ENOPH1: variants seen among roughly 807,000 people sequenced by gnomAD.
ENOPH1 encodes the protein enolase-phosphatase E1.
ENOPH1 carries 14 observed loss-of-function variants against 31.1 expected under a neutral mutation model. The ratio of observed to expected loss-of-function variants is 0.45; its 90% CI spans 0.30 to 0.70. The LOEUF is 0.70. Ranked by LOEUF, ENOPH1 falls within the 30% of genes least tolerant of loss-of-function variation. ENOPH1 has a pLI of 0.09. For synonymous variants in ENOPH1, 127 were observed against 123.2 expected, an observed-to-expected ratio of 1.03 and a Z score of -0.21; for missense variants, 243 against 321.5, an observed-to-expected ratio of 0.76 and a Z score of 1.87.
chr4:82,451,631 T>G (rs1722354965), intron 3 of ENOPH1, among the ~76,000 whole-genome samples: 2 of 152,188 alleles, frequency 1.3e-5, no homozygotes, highest in South Asian at 4.1e-4. Context: ...CATAGGAAAT[T>G]TTGTGCCCCA....
chr4:82,438,702 G>A (rs1184264287), intron 1 of ENOPH1, among the ~76,000 whole-genome samples: 1 of 152,128 alleles, frequency 6.6e-6, no homozygotes, highest in African/African-American at 2.4e-5. Context: ...CTGATTTTAA[G>A]CTATAACCCC....
At chr4:82,447,868 T>G in intron 1 of ENOPH1, 52 bp from the exon 2 acceptor site, 1 of 1,156,720 alleles carries the variant, frequency 8.6e-7, no homozygotes, top group Non-Finnish European at 1.2e-6. Flanking sequence ...AACTGGATCT[T>G]TTACAACTGA....
At position 82,460,770 on chromosome 4, in the gene ENOPH1, G is replaced by A. The variant is rs973015999; in HGVS notation, c.*650G>A. ...TTACCAGTGAAAAAGGTGCACTGAG[G>A]TAACATCTAAAACAGAGATGTGGTT... On this transcript the variant is annotated 3_prime_UTR_variant, in exon 6 of 6. Transcript: ENST00000273920. The A allele has an allele frequency of 3.9e-5, 6 of 152,330 alleles. No individual in the cohort carries two copies. The highest frequency in any genetic ancestry group is 3.9e-4 in the Admixed American group (6 of 15,300). The allele number at this position is 152,330 out of a possible 1,614,324, so 9.4% of individuals were successfully genotyped here. A position where few individuals can be genotyped will look rare whatever the true frequency, so the allele number is the denominator to read the frequency against.
chr4:82,433,539 T>A (rs1303956330), intron 1 of ENOPH1, among the ~76,000 whole-genome samples: 2 of 152,218 alleles, frequency 1.3e-5, no homozygotes, highest in African/African-American at 4.8e-5. Context: ...TTATTATAAT[T>A]TGTTAGACAT....
At chr4:82,449,389 T>C (rs1722287649) in intron 2 of ENOPH1, among the ~76,000 whole-genome samples, 1 of 152,212 alleles carries the variant, frequency 6.6e-6, no homozygotes, top group African/African-American at 2.4e-5. Flanking sequence ...TTTAATTGGC[T>C]CACAGGTCTA....
intron 1 of ENOPH1, among the ~76,000 whole-genome samples, chr4:82,432,108 G>A (rs948684496): frequency 6.6e-6 from 1 of 152,052 alleles, no homozygotes; most frequent in Non-Finnish European, 1.5e-5. Context: ...TAGAGACGGG[G>A]TTTCGCCATA....
intron 2 of ENOPH1, among the ~76,000 whole-genome samples, chr4:82,450,101 AT>A (rs1362179512): frequency 1.3e-5 from 2 of 152,224 alleles, no homozygotes; most frequent in African/African-American, 4.8e-5. Flanking sequence ...ACTGTTAGGA[AT>A]TAGGATTCAA....
At chr4:82,458,046 C>G (rs1360720827) in intron 5 of ENOPH1, among the ~76,000 whole-genome samples, 1 of 147,686 alleles carries the variant, frequency 6.8e-6, no homozygotes, top group African/African-American at 2.5e-5. Flanking sequence ...TTATTCCTGC[C>G]CTTCATCTTC....
At chr4:82,443,948 T>C (rs1000214211) in intron 1 of ENOPH1, among the ~76,000 whole-genome samples, 2 of 152,108 alleles carry the variant, frequency 1.3e-5, no homozygotes, top group Non-Finnish European at 2.9e-5. Context: ...TGATCTCAGC[T>C]CACTACAACT....
Position 82,452,061 on chromosome 4 carries a change from G to A in ENOPH1, c.389+816G>A, listed in dbSNP as rs115479917. Reference sequence around the variant, plus strand: ...CTCCCAAAATGCTGGGGTTACAGGCGTAAGTCACAATACCTGGCCTATTTT... The same window carrying A: ...CTCCCAAAATGCTGGGGTTACAGGCATAAGTCACAATACCTGGCCTATTTT... On this transcript the variant is annotated intron_variant, in intron 3 of 5. Coordinates refer to ENST00000273920, the MANE Select transcript of ENOPH1 (RefSeq NM_021204.5). Among the ~76,000 whole-genome samples, 900 of 151,774 alleles carry A rather than the reference G, an allele frequency of 5.9e-3. 6 individuals are homozygous for A. Among genetic ancestry groups the A allele is most frequent in the African/African-American group, 0.021 (868 of 41,356 alleles).
intron 4 of ENOPH1, among the ~76,000 whole-genome samples, chr4:82,455,741 G>A (rs140261515): frequency 0.013 from 1,983 of 151,812 alleles, 40 homozygotes; most frequent in African/African-American, 0.045. Flanking sequence ...AGCTGAGATC[G>A]TGCCACTGCA....
intron 1 of ENOPH1, among the ~76,000 whole-genome samples, chr4:82,441,615 C>T (rs913096364): frequency 2.0e-5 from 3 of 152,016 alleles, no homozygotes; most frequent in African/African-American, 7.3e-5. Flanking sequence ...GCCTGGGCGA[C>T]AGAGCGAGAC....
chr4:82,452,466 A>G (rs1722374715), intron 3 of ENOPH1, among the ~76,000 whole-genome samples: 1 of 151,740 alleles, frequency 6.6e-6, no homozygotes, highest in South Asian at 2.1e-4. Context: ...TAATTTTTGT[A>G]TTTTTAGTAG....
chr4:82,438,307 C>G (rs1721959406), intron 1 of ENOPH1, among the ~76,000 whole-genome samples: 1 of 152,048 alleles, frequency 6.6e-6, no homozygotes, highest in Non-Finnish European at 1.5e-5. Flanking sequence ...GTTTTTTTCC[C>G]TAGGTACACA....
chr4:82,436,251 C>T (rs1310885755), intron 1 of ENOPH1, among the ~76,000 whole-genome samples: 4 of 152,218 alleles, frequency 2.6e-5, no homozygotes, highest in East Asian at 1.9e-4. Context: ...AACTGCCCCC[C>T]TCTCCCCAAA....
At chr4:82,432,184 G>T (rs949710095) in intron 1 of ENOPH1, among the ~76,000 whole-genome samples, 1 of 152,048 alleles carries the variant, frequency 6.6e-6, no homozygotes, top group Non-Finnish European at 1.5e-5. Flanking sequence ...GAGCCAAGGC[G>T]CCTGGCCTGA....
chr4:82,441,613 G>A (rs866006662), intron 1 of ENOPH1, among the ~76,000 whole-genome samples: 3 of 152,032 alleles, frequency 2.0e-5, no homozygotes, highest in Non-Finnish European at 4.4e-5. Flanking sequence ...CAGCCTGGGC[G>A]ACAGAGCGAG....
At chr4:82,458,203 C>G (rs1480282368) in intron 5 of ENOPH1, among the ~76,000 whole-genome samples, 1 of 152,142 alleles carries the variant, frequency 6.6e-6, no homozygotes, top group African/African-American at 2.4e-5. Flanking sequence ...GAATGAAAAA[C>G]TAAGTTAATA....
intron 4 of ENOPH1, among the ~76,000 whole-genome samples, chr4:82,455,247 G>T (rs1039933284): frequency 4.6e-5 from 7 of 152,122 alleles, no homozygotes; most frequent in African/African-American, 1.7e-4. Context: ...ATGTAATAAG[G>T]TCGTCACCTG....
Sources: allele counts gnomAD v4.1 joint callset (sites outside exome capture counted in the v4.1 genomes callset), GRCh38; gene constraint gnomAD v4.1.1; transcripts MANE v1.5; gene names NCBI Gene and HGNC (gene_info 2026-07-23, HGNC 2026-07-21).